AXDND1: variants seen among roughly 807,000 people sequenced by gnomAD.
The protein encoded by AXDND1 is axonemal dynein light chain domain containing 1.
A neutral mutation model predicts 137.5 loss-of-function variants in AXDND1; 110 were observed. The ratio of observed to expected loss-of-function variants is 0.80; its 90% confidence interval spans 0.69 to 0.94. The LOEUF is 0.94. AXDND1 is among the 40% of genes least tolerant of loss of function. The probability of loss-of-function intolerance (pLI) is 0.00; values close to 1 mark genes in which losing one functional copy is unlikely to be tolerated. For missense variants in AXDND1, 1,191 were observed against 1,169.8 expected (o/e 1.02, Z -0.26); for synonymous variants, 414 against 399.7 (o/e 1.04, Z -0.43).
At position 179,463,873 on chromosome 1, in the gene AXDND1, A is replaced by G. The variant is rs558525468; in HGVS notation, c.1799-4570A>G. ...GAATTGATCCCTTTACCATTATGTA[A>G]TGGCCTTCTTTGTCTCTTTTGATCT... On this transcript the variant is annotated intron_variant, in intron 16 of 25. Transcript: ENST00000367618. Among the ~76,000 whole-genome samples the G allele has an allele frequency of 9.2e-5, 14 of 152,260 alleles. No homozygotes were observed. In the East Asian group the frequency reaches 2.7e-3, roughly 29 times the overall value.
chr1:179,481,119 G>A (rs1399589072), intron 17 of AXDND1, among the ~76,000 whole-genome samples: 1 of 151,920 alleles, frequency 6.6e-6, no homozygotes, highest in African/African-American at 2.4e-5. Context: ...ATCTCCTAAT[G>A]CTGTCCCTCC....
intron 23 of AXDND1, among the ~76,000 whole-genome samples, chr1:179,529,964 A>G (rs1670900867): frequency 6.6e-6 from 1 of 152,184 alleles, no homozygotes; most frequent in South Asian, 2.1e-4. Flanking sequence ...ATGCATCACT[A>G]TGTTGGTCAC....
intron 16 of AXDND1, chr1:179,448,325 T>G: frequency 1.3e-6 from 1 of 742,120 alleles, no homozygotes; most frequent in South Asian, 1.4e-5. Flanking sequence ...TGCACAGTCA[T>G]AGAGCACACT....
At chr1:179,515,471 G>A (rs1303906532) in intron 21 of AXDND1, among the ~76,000 whole-genome samples, 1 of 151,954 alleles carries the variant, frequency 6.6e-6, no homozygotes, top group Non-Finnish European at 1.5e-5. Flanking sequence ...TCCTTTATAG[G>A]GTACCTGATG....
In AXDND1 at chr1:179,429,609, T is replaced by C. The variant is rs966920052; in HGVS notation, c.1322T>C (p.Leu441Pro). 1.3e-6 allele frequency: 2 copies of C among 1,568,236 alleles called. No homozygotes were observed. The highest frequency in any genetic ancestry group is 2.4e-5 in the East Asian group (1 of 42,312). ...NKYTKHFIIL[L>P]SNKDTEDLAL... Reference sequence around the variant, plus strand: ...TACACTAAGCATTTCATCATACTGCTATCAAACAAGGTAAAGGTCAATTAT... The same window carrying C: ...TACACTAAGCATTTCATCATACTGCCATCAAACAAGGTAAAGGTCAATTAT... The change falls in exon 13 of 26, where the codon CTA becomes CCA. Residue 441 changes from leucine to proline, a missense_variant. Physicochemically the swap from Leu to Pro is moderately conservative, Grantham distance 98. Transcript: ENST00000367618.
intron 6 of AXDND1, among the ~76,000 whole-genome samples, chr1:179,381,806 GT>G (rs1176237037): frequency 1.3e-5 from 2 of 151,792 alleles, no homozygotes; most frequent in Admixed American, 1.3e-4. Flanking sequence ...TGGAGATGGA[GT>G]TTTGCTGTTG....
In AXDND1 at chr1:179,378,758, GTAAA is replaced by G; in HGVS notation, c.495+6_495+9del. 2.0e-6 allele frequency: 3 copies of G among 1,518,042 alleles called. No individual in the cohort carries two copies. Among genetic ancestry groups the G allele is most frequent in the South Asian group, 2.9e-5 (2 of 68,986 alleles). 94.0% of individuals were successfully genotyped at this position (1,518,042 alleles called of 1,614,324 possible). A position where few individuals can be genotyped will look rare whatever the true frequency, so the allele number is the denominator to read the frequency against. On this transcript the variant is annotated splice_donor_variant and splice_donor_5th_base_variant and intron_variant, in intron 5 of 25. Transcript: ENST00000367618. LOFTEE classifies it high-confidence loss of function. Reference sequence around the variant, plus strand: ...TGATGGTGTCATTGTGCCCCATAAGGTAAATAAAGTATTTGACAAATAATCTTCT... The same window carrying G: ...TGATGGTGTCATTGTGCCCCATAAGGTAAAGTATTTGACAAATAATCTTCT...
In AXDND1 at chr1:179,492,850, T is replaced by G; in HGVS notation, c.2292-5T>G. On this transcript the variant is annotated splice_region_variant and splice_polypyrimidine_tract_variant and intron_variant, in intron 19 of 25. Transcript: ENST00000367618. ...TTCTTTTTCTTTTTTTCCCCCTTTT[T>G]GCAGTTGTTGCAAAGGGATGGTAAC... 1 of 1,582,558 alleles carries G rather than the reference T, an allele frequency of 6.3e-7. No individual in the cohort carries two copies. Among genetic ancestry groups the G allele is most frequent in the Non-Finnish European group, 8.6e-7 (1 of 1,165,620 alleles).
intron 15 of AXDND1, among the ~76,000 whole-genome samples, chr1:179,432,689 G>A (rs940009920): frequency 3.3e-5 from 5 of 152,150 alleles, no homozygotes; most frequent in African/African-American, 1.2e-4. Flanking sequence ...GCCTCCCAAA[G>A]TGTTGGGATT....
At chr1:179,525,999 C>T (rs76975180) in intron 22 of AXDND1, among the ~76,000 whole-genome samples, 4,755 of 152,196 alleles carry the variant, frequency 0.031, 273 homozygotes, top group African/African-American at 0.11. Flanking sequence ...TAAATCCAGC[C>T]ATTTCCCATT....
intron 16 of AXDND1, among the ~76,000 whole-genome samples, chr1:179,462,458 T>C (rs181673239): frequency 1.6e-4 from 24 of 150,628 alleles, no homozygotes; most frequent in African/African-American, 4.9e-4. Flanking sequence ...CAGTATTTTA[T>C]TGAGGATTTT....
At chr1:179,527,657 G>A (rs1253894882) in intron 22 of AXDND1, among the ~76,000 whole-genome samples, 2 of 152,076 alleles carry the variant, frequency 1.3e-5, no homozygotes, top group Non-Finnish European at 2.9e-5. Flanking sequence ...TATGTTAAGG[G>A]CATTTCTCCT....
intron 12 of AXDND1, among the ~76,000 whole-genome samples, chr1:179,418,415 C>T (rs1448451240): frequency 6.6e-6 from 1 of 152,242 alleles, no homozygotes; most frequent in Non-Finnish European, 1.5e-5. Context: ...GGCAACCATC[C>T]GATTTCTCAA....
chr1:179,416,701 C>G (rs1037580284), intron 12 of AXDND1, among the ~76,000 whole-genome samples: 1 of 152,174 alleles, frequency 6.6e-6, no homozygotes, highest in East Asian at 1.9e-4. Flanking sequence ...GGCTATGATG[C>G]TTACAGCATT....
chr1:179,464,500 A>C (rs896833736), intron 16 of AXDND1, among the ~76,000 whole-genome samples: 5 of 151,520 alleles, frequency 3.3e-5, no homozygotes, highest in Non-Finnish European at 7.4e-5. Flanking sequence ...AATCTGATGG[A>C]CTTCCCTTTG....
chr1:179,490,325 C>A (rs6673985), intron 18 of AXDND1, among the ~76,000 whole-genome samples: 99,974 of 151,986 alleles, frequency 0.66, 32,969 homozygotes, highest in East Asian at 0.85. Context: ...AACCAAACAG[C>A]GAAAGGGAGT....
rs138571426 is a variant in AXDND1, at chr1:179,435,679, T to C, written c.1563+3337T>C. Among the ~76,000 whole-genome samples the C allele has an allele frequency of 7.3e-3, 1,106 of 152,272 alleles. 7 individuals carry two copies. The highest frequency in any genetic ancestry group is 0.013 in the Non-Finnish European group (867 of 68,022). Reference sequence around the variant, plus strand: ...AACTTGACCCCTTCCTTACATCTTATATAAAAATTTACTCAAGATGGATTA... The same window carrying C: ...AACTTGACCCCTTCCTTACATCTTACATAAAAATTTACTCAAGATGGATTA... On this transcript the variant is annotated intron_variant, in intron 15 of 25. Transcript: ENST00000367618.
chr1:179,466,669 C>T (rs1012780217), intron 16 of AXDND1, among the ~76,000 whole-genome samples: 1 of 151,928 alleles, frequency 6.6e-6, no homozygotes, highest in Admixed American at 6.6e-5. Flanking sequence ...ATATTTGGTT[C>T]TCCTATAGTT....
intron 12 of AXDND1, among the ~76,000 whole-genome samples, chr1:179,421,455 C>G (rs1655720972): frequency 7.0e-6 from 1 of 141,954 alleles, no homozygotes; most frequent in African/African-American, 2.7e-5. Flanking sequence ...GTGATCTCAG[C>G]TCACTGCAAC....
Sources: gnomAD v4.1 joint callset for allele counts (sites outside exome capture counted in the v4.1 genomes callset) on GRCh38, gnomAD v4.1.1 for gene constraint, MANE v1.5 for transcripts, NCBI Gene and HGNC (gene_info 2026-07-23, HGNC 2026-07-21) for gene names.